The following SYT1 variants were observed in gnomAD, a reference collection of about 807,000 sequenced individuals.
SYT1 encodes synaptotagmin 1, also known as synaptotagmin-1.
Under a neutral mutation model 44.8 loss-of-function variants are expected in SYT1, and 8 were observed. That is an observed-to-expected ratio of 0.18 (90% confidence interval 0.10 to 0.32). The LOEUF (loss-of-function observed/expected upper bound fraction) is 0.32. SYT1 is among the 10% of genes least tolerant of loss of function. SYT1 has a pLI of 1.00. For missense variants in SYT1, 286 were observed against 509.3 expected (o/e 0.56, Z 4.22); for synonymous variants, 154 against 188.8 (o/e 0.82, Z 1.51).
At chr12:79,041,165 T>G (rs992761060) in intron 2 of SYT1, among the ~76,000 whole-genome samples, 9 of 150,972 alleles carry the variant, frequency 6.0e-5, no homozygotes, top group African/African-American at 2.2e-4. Context: ...GTGAAGAAAG[T>G]CATTGGTAGC....
At chr12:79,372,773 A>G (rs1883844437) in intron 9 of SYT1, among the ~76,000 whole-genome samples, 1 of 152,110 alleles carries the variant, frequency 6.6e-6, no homozygotes, top group Admixed American at 6.6e-5. Flanking sequence ...TCAGAGGGAG[A>G]GGAAACCATA....
intron 9 of SYT1, among the ~76,000 whole-genome samples, chr12:79,433,990 A>G (rs1869944318): frequency 6.6e-6 from 1 of 152,230 alleles, no homozygotes; most frequent in Non-Finnish European, 1.5e-5. Context: ...TTAGTCAAGA[A>G]GCTGGCAGTC....
At chr12:79,097,644 C>T (rs2138034019) in intron 3 of SYT1, among the ~76,000 whole-genome samples, 2 of 152,080 alleles carry the variant, frequency 1.3e-5, no homozygotes, top group South Asian at 4.1e-4. Context: ...AAGATTTTGT[C>T]AAATGAGGCC....
intron 8 of SYT1, among the ~76,000 whole-genome samples, chr12:79,347,354 A>T (rs924472307): frequency 6.6e-6 from 1 of 152,108 alleles, no homozygotes; most frequent in African/African-American, 2.4e-5. Flanking sequence ...AGCAGCCCAC[A>T]TCCAATGTTT....
intron 4 of SYT1, among the ~76,000 whole-genome samples, chr12:79,241,817 C>CT (rs888605621): frequency 2.0e-5 from 3 of 151,746 alleles, no homozygotes; most frequent in Non-Finnish European, 2.9e-5. Flanking sequence ...AAATAGATCA[C>CT]TTTTTTTTTG....
At chr12:78,878,751 G>A (rs1874302427) in intron 1 of SYT1, among the ~76,000 whole-genome samples, 1 of 151,644 alleles carries the variant, frequency 6.6e-6, no homozygotes, top group Admixed American at 6.6e-5. Context: ...AGCCTCAAGG[G>A]CTTCAGCACG....
intron 9 of SYT1, among the ~76,000 whole-genome samples, chr12:79,399,343 A>T (rs1360998422): frequency 1.3e-5 from 2 of 149,830 alleles, no homozygotes; most frequent in African/African-American, 4.9e-5. Flanking sequence ...TCAGTAGGTA[A>T]TCCCAAGGAA....
At chr12:79,037,155 T>C (rs1873188773) in intron 2 of SYT1, among the ~76,000 whole-genome samples, 1 of 151,854 alleles carries the variant, frequency 6.6e-6, no homozygotes, top group African/African-American at 2.4e-5. Flanking sequence ...TTCAGTTAGA[T>C]GTGCTCAATG....
chr12:79,188,633 C>A (rs1369089938), intron 3 of SYT1, among the ~76,000 whole-genome samples: 2 of 152,104 alleles, frequency 1.3e-5, no homozygotes, highest in African/African-American at 4.8e-5. Context: ...ACCTTTCTAG[C>A]TTCACATCTA....
rs1238581250 is a variant in SYT1 at position 79,449,674 on chromosome 12, A to AAGAT, written c.*552_*555dup. 2 of 152,742 alleles carry AAGAT rather than the reference A, an allele frequency of 1.3e-5. No homozygotes were observed. The highest frequency in any genetic ancestry group is 4.8e-5 in the African/African-American group (2 of 41,450). The allele number at this position is 152,742 out of a possible 1,614,324, so 9.5% of individuals were successfully genotyped here. A position where few individuals can be genotyped will look rare whatever the true frequency, so the allele number is the denominator to read the frequency against. On this transcript the variant is annotated 3_prime_UTR_variant, in exon 11 of 11. Transcript: ENST00000261205. ...CTTTCTATTGAATCATTTGAGTACC[A>AAGAT]AGATAAACTTACACCACATACTTGG...
chr12:79,413,065 G>A (rs1431550681), intron 9 of SYT1, among the ~76,000 whole-genome samples: 6 of 152,120 alleles, frequency 3.9e-5, no homozygotes, highest in Admixed American at 1.3e-4. Flanking sequence ...AAAAGCCTCT[G>A]GTTCTGAAGA....
At chr12:79,371,690 G>C (rs930058586) in intron 9 of SYT1, among the ~76,000 whole-genome samples, 1 of 152,302 alleles carries the variant, frequency 6.6e-6, no homozygotes, top group East Asian at 1.9e-4. Context: ...TTCCTGGTGG[G>C]AAGACACTCA....
chr12:79,274,623 G>C (rs189541720), intron 4 of SYT1, among the ~76,000 whole-genome samples: 263 of 152,314 alleles, frequency 1.7e-3, no homozygotes, highest in Non-Finnish European at 2.8e-3. Flanking sequence ...TGCCTTGGTA[G>C]CAGACAATGG....
chr12:79,391,230 C>T (rs1884645641), intron 9 of SYT1, among the ~76,000 whole-genome samples: 1 of 152,204 alleles, frequency 6.6e-6, no homozygotes, highest in Admixed American at 6.5e-5. Flanking sequence ...AGGCCCACCC[C>T]AGTGATCCTG....
intron 8 of SYT1, among the ~76,000 whole-genome samples, chr12:79,318,283 C>T (rs1881196728): frequency 6.6e-6 from 1 of 151,078 alleles, no homozygotes; most frequent in South Asian, 2.1e-4. Context: ...GACCCGTACT[C>T]TCTTCTAAAT....
chr12:79,159,047 AT>A (rs1870783738), intron 3 of SYT1, among the ~76,000 whole-genome samples: 1 of 152,186 alleles, frequency 6.6e-6, no homozygotes, highest in Non-Finnish European at 1.5e-5. Flanking sequence ...TGTCAGAGAA[AT>A]GAAGAAAGGC....
At chr12:79,115,198 CAGAA>C (rs1302033693) in intron 3 of SYT1, among the ~76,000 whole-genome samples, 8 of 152,234 alleles carry the variant, frequency 5.3e-5, no homozygotes, top group Admixed American at 3.3e-4. Flanking sequence ...AATTATAACT[CAGAA>C]AGGAGTTTCA....
intron 1 of SYT1, among the ~76,000 whole-genome samples, chr12:78,933,872 T>G (rs1877889956): frequency 6.6e-6 from 1 of 151,458 alleles, no homozygotes; most frequent in South Asian, 2.1e-4. Context: ...CATTAAAATT[T>G]AAGGGAACAT....
chr12:79,262,399 T>G (rs753783252), intron 4 of SYT1, among the ~76,000 whole-genome samples: 1 of 152,208 alleles, frequency 6.6e-6, no homozygotes, highest in African/African-American at 2.4e-5. Context: ...TTGTAAAATC[T>G]TTGGTGTTGA....
Sources: allele counts gnomAD v4.1 joint callset (sites outside exome capture counted in the v4.1 genomes callset), GRCh38; gene constraint gnomAD v4.1.1; transcripts MANE v1.5; gene names NCBI Gene and HGNC (gene_info 2026-07-23, HGNC 2026-07-21).